KCNH1: variants seen among roughly 807,000 people sequenced by gnomAD.
The protein encoded by KCNH1 is potassium voltage-gated channel subfamily H member 1.
Under a neutral mutation model 69.2 loss-of-function variants are expected in KCNH1, and 27 were observed. That is an observed-to-expected ratio of 0.39 (90% CI 0.29 to 0.54). The LOEUF (loss-of-function observed/expected upper bound fraction) is 0.54, where lower values mean the gene tolerates loss of function less well. Among genes scored for constraint, KCNH1 ranks in the 20% least tolerant of loss-of-function variants. The probability of loss-of-function intolerance (pLI) is 0.68; values close to 1 mark genes in which losing one functional copy is unlikely to be tolerated. For synonymous variants in KCNH1, 456 were observed against 487.7 expected (o/e 0.93, Z 0.86); for missense variants, 798 against 1,261.6 (o/e 0.63, Z 5.57).
chr1:210,807,007 A>AAG (rs1267835465), intron 7 of KCNH1, among the ~76,000 whole-genome samples: 1 of 4,396 alleles, frequency 2.3e-4, no homozygotes, highest in Non-Finnish European at 7.5e-4. Flanking sequence ...ACTCCATCTC[A>AAG]AAAAAAAAAA....
chr1:210,902,166 C>T (rs1687010401), intron 7 of KCNH1, among the ~76,000 whole-genome samples: 1 of 152,200 alleles, frequency 6.6e-6, no homozygotes, highest in African/African-American at 2.4e-5. Flanking sequence ...CGCAACCTTC[C>T]CGCCAGGAGC....
At chr1:210,730,020 T>C (rs1019917696) in intron 10 of KCNH1, among the ~76,000 whole-genome samples, 4 of 152,172 alleles carry the variant, frequency 2.6e-5, no homozygotes, top group Non-Finnish European at 2.9e-5. Flanking sequence ...GGGCCCTCTC[T>C]ATTCATTCCT....
rs1686255251 is a variant in KCNH1, at chr1:210,871,815, C to T, written c.1462+47825G>A. Among the ~76,000 whole-genome samples, 4 of 146,102 alleles carry T rather than the reference C, an allele frequency of 2.7e-5. No homozygotes were observed. The South Asian group carries it at 8.6e-4, about 31-fold the overall frequency. On this transcript the variant is annotated intron_variant, in intron 7 of 10. Transcript: ENST00000271751. ...ACTATCGCAAGAACAAAAAACCAAA[C>T]ACCGCATATTCTCACTCATAGGTGG...
At chr1:211,099,165 A>G (rs1427658745) in intron 3 of KCNH1, among the ~76,000 whole-genome samples, 1 of 152,196 alleles carries the variant, frequency 6.6e-6, no homozygotes. Flanking sequence ...TATTTTTGTG[A>G]CAAAGACTAA....
intron 6 of KCNH1, among the ~76,000 whole-genome samples, chr1:210,994,296 A>G (rs1461922147): frequency 1.3e-5 from 2 of 152,178 alleles, no homozygotes; most frequent in African/African-American, 4.8e-5. Flanking sequence ...TCCTCATTCC[A>G]TCAATATCTG....
chr1:210,783,986 GA>G (rs1684043099), intron 9 of KCNH1, among the ~76,000 whole-genome samples: 2 of 152,184 alleles, frequency 1.3e-5, no homozygotes, highest in Admixed American at 6.5e-5. Context: ...GTAAAATGAT[GA>G]TGAAGACTCT....
intron 10 of KCNH1, among the ~76,000 whole-genome samples, chr1:210,768,103 A>C (rs1054112985): frequency 6.6e-6 from 1 of 152,230 alleles, no homozygotes; most frequent in Non-Finnish European, 1.5e-5. Context: ...GTTAAAATTC[A>C]GTCCATCACT....
At chr1:210,721,325 A>G (rs1682449622) in intron 10 of KCNH1, among the ~76,000 whole-genome samples, 1 of 152,208 alleles carries the variant, frequency 6.6e-6, no homozygotes, top group Admixed American at 6.5e-5. Flanking sequence ...CCTGATAATC[A>G]GAGTGGTTTT....
Position 210,847,345 on chromosome 1 carries a change from G to A in KCNH1, c.1463-43179C>T, listed in dbSNP as rs1378168686. Among the ~76,000 whole-genome samples, 13 of 152,118 alleles carry A rather than the reference G, an allele frequency of 8.5e-5. No homozygotes were observed. The South Asian group carries it at 1.7e-3, about 19-fold the overall frequency. On this transcript the variant is annotated intron_variant, in intron 7 of 10. Coordinates refer to ENST00000271751, the MANE Select transcript of KCNH1 (RefSeq NM_172362.3). ...GGAACCAATCCAAATGTCCAACAACGATAGACTGGATTAAGAAAATGTGGC... is the reference window on the plus strand; with the variant it reads ...GGAACCAATCCAAATGTCCAACAACAATAGACTGGATTAAGAAAATGTGGC...
chr1:210,926,070 C>A (rs1056582837), intron 6 of KCNH1, among the ~76,000 whole-genome samples: 2 of 152,136 alleles, frequency 1.3e-5, no homozygotes, highest in African/African-American at 2.4e-5. Flanking sequence ...ACCAGCCTGG[C>A]CAACATGGTG....
chr1:210,683,463 T>C lies in KCNH1; in HGVS notation c.2788A>G (p.Arg930Gly), dbSNP rs2149000661. ...TTGATGTCCTCCTTCAGCTCGTGCCTCACCTCCAGGACTGTGGCCTGCAGC... is the reference window on the plus strand; with the variant it reads ...TTGATGTCCTCCTTCAGCTCGTGCCCCACCTCCAGGACTGTGGCCTGCAGC... ...QTLQATVLEV[R>G]HELKEDIKAL... Residue 930 changes from arginine (R) to glycine (G), a missense_variant, in exon 11 of 11, where the codon AGG becomes GGG. Coordinates refer to ENST00000271751, the MANE Select transcript of KCNH1 (RefSeq NM_172362.3). This position sits in a 1 kb window ranked among gnomAD's most constrained non-coding sequence, Gnocchi z 5.7. The C allele has an allele frequency of 1.9e-6, 3 of 1,614,208 alleles. No homozygotes were observed. The highest frequency in any genetic ancestry group is 2.5e-6 in the Non-Finnish European group (3 of 1,180,030).
At chr1:210,949,402 C>T (rs1290589158) in intron 6 of KCNH1, among the ~76,000 whole-genome samples, 1 of 152,206 alleles carries the variant, frequency 6.6e-6, no homozygotes, top group Non-Finnish European at 1.5e-5. Flanking sequence ...AGAACAAACC[C>T]TAAGCTCACC....
chr1:210,859,406 A>T (rs1257910813), intron 7 of KCNH1: 24 of 1,597,860 alleles, frequency 1.5e-5, no homozygotes, highest in Admixed American at 5.0e-5. Flanking sequence ...ATAGCTTTAA[A>T]TACCTGATAC....
intron 10 of KCNH1, among the ~76,000 whole-genome samples, chr1:210,705,981 C>T (rs1244825872): frequency 6.6e-6 from 1 of 152,198 alleles, no homozygotes; most frequent in Admixed American, 6.5e-5. Context: ...TTTACCCTTG[C>T]AATGAGCCTA....
chr1:210,732,456 T>A (rs1200281606), intron 10 of KCNH1, among the ~76,000 whole-genome samples: 1 of 152,138 alleles, frequency 6.6e-6, no homozygotes, highest in African/African-American at 2.4e-5. Context: ...CTAGCAGACA[T>A]CCTTGCTTTG....
At chr1:210,704,243 C>A (rs1681849183) in intron 10 of KCNH1, among the ~76,000 whole-genome samples, 1 of 152,160 alleles carries the variant, frequency 6.6e-6, no homozygotes, top group South Asian at 2.1e-4. Flanking sequence ...TCTGCTGTCT[C>A]AATAGCAGGA....
intron 5 of KCNH1, among the ~76,000 whole-genome samples, chr1:211,079,945 A>G (rs956372026): frequency 2.0e-5 from 3 of 152,246 alleles, no homozygotes; most frequent in African/African-American, 7.2e-5. Flanking sequence ...CCTATTCAAC[A>G]TAGTGTTGGA....
intron 6 of KCNH1, among the ~76,000 whole-genome samples, chr1:211,014,248 C>T (rs1355962659): frequency 6.6e-6 from 1 of 152,172 alleles, no homozygotes; most frequent in Admixed American, 6.5e-5. Context: ...ATCTTTAACA[C>T]ACGAAGCACA....
chr1:210,731,180 C>A (rs1024114334), intron 10 of KCNH1, among the ~76,000 whole-genome samples: 6 of 152,226 alleles, frequency 3.9e-5, no homozygotes, highest in Admixed American at 3.3e-4. Context: ...TTCTGGCTCT[C>A]CCATCACCTT....
Sources: gnomAD v4.1 joint callset for allele counts (sites outside exome capture counted in the v4.1 genomes callset) on GRCh38, gnomAD v4.1.1 for gene constraint, Gnocchi (gnomAD v3.1) non-coding constraint, MANE v1.5 for transcripts, NCBI Gene and HGNC (gene_info 2026-07-23, HGNC 2026-07-21) for gene names.